Variants in EGFR observed in about 807,000 individuals in gnomAD.
EGFR encodes the protein epidermal growth factor receptor.
A neutral mutation model predicts 143.0 loss-of-function variants in EGFR; 58 were observed. The ratio of observed to expected loss-of-function variants is 0.41; its 90% CI spans 0.33 to 0.50. The LOEUF is 0.50. Among genes scored for constraint, EGFR ranks in the 20% least tolerant of loss-of-function variants. The pLI is 0.39. For synonymous variants in EGFR, 613 were observed against 594.4 expected, an observed-to-expected ratio of 1.03 and a Z score of -0.45; for missense variants, 1,307 against 1,579.0, an observed-to-expected ratio of 0.83 and a Z score of 2.92.
At chr7:55,104,312 C>A (rs1182411460) in intron 1 of EGFR, among the ~76,000 whole-genome samples, 1 of 152,200 alleles carries the variant, frequency 6.6e-6, no homozygotes, top group African/African-American at 2.4e-5. Flanking sequence ...GGTTGCCAAG[C>A]TGGGTTGAAA....
intron 1 of EGFR, among the ~76,000 whole-genome samples, chr7:55,055,706 ACACACACACACACACAC>A (rs1371246182): frequency 1.4e-4 from 8 of 56,290 alleles, no homozygotes; most frequent in East Asian, 1.5e-3. Context: ...TCTTGCACGC[ACACACACACACACACAC>A]CACACACACA....
At chr7:55,084,382 T>G (rs189780422) in intron 1 of EGFR, among the ~76,000 whole-genome samples, 1 of 152,352 alleles carries the variant, frequency 6.6e-6, no homozygotes, top group Admixed American at 6.5e-5. Flanking sequence ...GGAAAGCATG[T>G]GCCTCCAGGA....
chr7:55,203,662 C>CACACACAT (rs534627383), intron 27 of EGFR, among the ~76,000 whole-genome samples: 1 of 148,136 alleles, frequency 6.8e-6, no homozygotes, highest in Non-Finnish European at 1.5e-5. Context: ...ACACACCACA[C>CACACACAT]ACACACATAC....
At chr7:55,037,241 T>C (rs924294330) in intron 1 of EGFR, among the ~76,000 whole-genome samples, 24 of 152,198 alleles carry the variant, frequency 1.6e-4, no homozygotes, top group African/African-American at 5.6e-4. Context: ...TAGGCATGTG[T>C]CAAATGTCTA....
Position 55,165,345 on chromosome 7 carries a change from G to C in EGFR, c.1788G>C (p.Pro596=), listed in dbSNP as rs17290162. 6.2e-7 allele frequency: 1 copy of C among 1,614,122 alleles called. No individual in the cohort carries two copies. The highest frequency in any genetic ancestry group is 2.2e-5 in the East Asian group (1 of 44,884). ...GCCCCCACTGCGTCAAGACCTGCCCGGCAGGAGTCATGGGAGAAAACAACA... is the reference window on the plus strand; with the variant it reads ...GCCCCCACTGCGTCAAGACCTGCCCCGCAGGAGTCATGGGAGAAAACAACA... ...IDGPHCVKTC[P]AGVMGENNTL... Residue 596 remains proline, a synonymous_variant, in exon 15 of 28, where the codon CCG becomes CCC. Coordinates refer to ENST00000275493, the MANE Select transcript of EGFR (RefSeq NM_005228.5).
intron 1 of EGFR, among the ~76,000 whole-genome samples, chr7:55,074,717 G>A (rs560787355): frequency 1.6e-4 from 25 of 152,186 alleles, no homozygotes; most frequent in Non-Finnish European, 3.1e-4. Context: ...ACTCATTAAA[G>A]TGAAAGGACA....
intron 8 of EGFR, 41 bp from the exon 9 acceptor site, chr7:55,156,492 A>C (rs1190400186): frequency 6.8e-6 from 11 of 1,613,392 alleles, no homozygotes; most frequent in Non-Finnish European, 9.3e-6. Context: ...TTCTTAATCC[A>C]ACAAATGTGA....
At chr7:55,047,829 A>G (rs990988292) in intron 1 of EGFR, among the ~76,000 whole-genome samples, 27 of 152,352 alleles carry the variant, frequency 1.8e-4, no homozygotes, top group Non-Finnish European at 2.6e-4. Flanking sequence ...ATTTCATGAC[A>G]CGGCTAGAGA....
chr7:55,153,158 C>T (rs10268378), intron 6 of EGFR, among the ~76,000 whole-genome samples: 2 of 152,230 alleles, frequency 1.3e-5, no homozygotes, highest in African/African-American at 2.4e-5. Context: ...CCTCCTGACA[C>T]GGATCCCTCG....
chr7:55,166,595 T>C (rs963675498), intron 15 of EGFR, among the ~76,000 whole-genome samples: 2 of 151,714 alleles, frequency 1.3e-5, no homozygotes, highest in South Asian at 4.2e-4. Context: ...GGAGTCACAA[T>C]GGTGGTGTTG....
chr7:55,205,611 A>G lies in EGFR; in HGVS notation c.3627A>G (p.Gly1209=). The change falls in exon 28 of 28, where the codon GGA becomes GGG. Residue 1209 remains glycine (G), a synonymous_variant. Transcript: ENST00000275493. ...CGCCACAAAGCAGTGAATTTATTGG[A>G]GCATGACCACGGAGGATAGTATGAG... ...RVAPQSSEFI[G]A The G allele has an allele frequency of 6.2e-7, 1 of 1,614,188 alleles. No individual in the cohort carries two copies. Among genetic ancestry groups the G allele is most frequent in the East Asian group, 2.2e-5 (1 of 44,888 alleles).
intron 15 of EGFR, chr7:55,170,608 G>A (rs187324734): frequency 6.4e-5 from 103 of 1,605,898 alleles, no homozygotes; most frequent in African/African-American, 1.6e-4. Context: ...CACGTGGGCC[G>A]CCAGGTTCCC....
chr7:55,107,371 T>C lies in EGFR; in HGVS notation c.89-34915T>C, dbSNP rs114092083. ...GCCCATTGGGTTTTGTTATTTGATG[T>C]TATTTGATGACAGAGACCTATTGTT... On this transcript the variant is annotated intron_variant, in intron 1 of 27. Transcript: ENST00000275493. Among the ~76,000 whole-genome samples the C allele has an allele frequency of 6.7e-3, 1,015 of 152,366 alleles. 7 individuals are homozygous for C. The highest frequency in any genetic ancestry group is 0.023 in the African/African-American group (968 of 41,580).
At chr7:55,053,040 C>T (rs1013015371) in intron 1 of EGFR, among the ~76,000 whole-genome samples, 4 of 152,164 alleles carry the variant, frequency 2.6e-5, no homozygotes, top group African/African-American at 9.7e-5. Flanking sequence ...CGGAAAATAG[C>T]ACCCTTCAAA....
intron 19 of EGFR, among the ~76,000 whole-genome samples, chr7:55,176,305 A>C (rs1192438544): frequency 6.6e-6 from 1 of 152,252 alleles, no homozygotes; most frequent in African/African-American, 2.4e-5. Context: ...GGAAGGAAGC[A>C]GTGTTCACTG....
chr7:55,075,208 A>AT (rs397952481), intron 1 of EGFR, among the ~76,000 whole-genome samples: 2 of 150,852 alleles, frequency 1.3e-5, no homozygotes, highest in African/African-American at 4.8e-5. Context: ...AAAAAAAAAA[A>AT]TGTTTCAAAG....
intron 1 of EGFR, among the ~76,000 whole-genome samples, chr7:55,094,233 C>T (rs932518124): frequency 6.6e-6 from 1 of 152,198 alleles, no homozygotes; most frequent in African/African-American, 2.4e-5. Flanking sequence ...TGGCTTCACC[C>T]AGCATCCAGC....
intron 1 of EGFR, among the ~76,000 whole-genome samples, chr7:55,056,067 G>A (rs564782044): frequency 4.6e-5 from 7 of 152,184 alleles, no homozygotes; most frequent in Admixed American, 3.9e-4. Flanking sequence ...TAAAGAGAGG[G>A]TACAAAAGGT....
In EGFR at chr7:55,174,946, G is replaced by A. The variant is rs555226828; in HGVS notation, c.2283+126G>A. The A allele has an allele frequency of 3.5e-5, 27 of 771,296 alleles. No homozygotes were observed. In the African/African-American group the frequency reaches 3.6e-4, roughly 10 times the overall value. The allele number at this position is 771,296 out of a possible 1,614,324, so 47.8% of individuals were successfully genotyped here. On this transcript the variant is annotated intron_variant, in intron 19 of 27. Transcript: ENST00000275493. The stretch of plus-strand genomic sequence containing the variant: ...CACATCCTAAATGTTCACTTTCTAT[G>A]TCTTTCCCTTTCTAGCTCTAGTGGG...
Sources: gnomAD v4.1 joint callset for allele counts (sites outside exome capture counted in the v4.1 genomes callset) on GRCh38, gnomAD v4.1.1 for gene constraint, MANE v1.5 for transcripts, NCBI Gene and HGNC (gene_info 2026-07-23, HGNC 2026-07-21) for gene names.